NT5DC3: variants seen among roughly 807,000 people sequenced by gnomAD.
NT5DC3 encodes the protein 5'-nucleotidase domain-containing protein 3.
Under a neutral mutation model 67.8 loss-of-function variants are expected in NT5DC3, and 42 were observed. The observed-to-expected ratio is 0.62, with a 90% CI of 0.48 to 0.80. The LOEUF (loss-of-function observed/expected upper bound fraction) is 0.80. Among genes scored for constraint, NT5DC3 ranks in the 30% least tolerant of loss-of-function variants. The probability of loss-of-function intolerance (pLI) is 0.00; values close to 1 mark genes in which losing one functional copy is unlikely to be tolerated. For synonymous variants in NT5DC3, 237 were observed against 255.6 expected (o/e 0.93, Z 0.69); for missense variants, 570 against 696.4 (o/e 0.82, Z 2.04).
the NT5DC3 span, among the ~76,000 whole-genome samples, chr12:103,757,037 T>A: frequency 7.0e-6 from 1 of 142,322 alleles, no homozygotes; most frequent in Non-Finnish European, 1.5e-5. Context: ...ATATAAAATA[T>A]ATATATTAAA....
chr12:103,785,568 T>C (rs1241611757), intron 11 of NT5DC3, 93 bp from the exon 12 acceptor site: 9 of 1,263,514 alleles, frequency 7.1e-6, no homozygotes, highest in African/African-American at 5.9e-5. Flanking sequence ...TTCATTTAAT[T>C]ACTTTTTGAT....
the NT5DC3 span, chr12:103,761,233 A>G: frequency 1.4e-6 from 2 of 1,468,552 alleles, no homozygotes; most frequent in Non-Finnish European, 9.5e-7. Flanking sequence ...AAATTGAACA[A>G]CTTCCCTCCA....
chr12:103,823,652 T>A (rs1317474013), intron 1 of NT5DC3, among the ~76,000 whole-genome samples: 1 of 152,218 alleles, frequency 6.6e-6, no homozygotes, highest in African/African-American at 2.4e-5. Flanking sequence ...TTATTTAACA[T>A]GGCTTCAAAT....
intron 11 of NT5DC3, among the ~76,000 whole-genome samples, 160 bp downstream of exon 11, chr12:103,787,281 A>G (rs1273009860): frequency 1.3e-5 from 2 of 151,996 alleles, no homozygotes; most frequent in Non-Finnish European, 1.5e-5. Flanking sequence ...AAGACATTAA[A>G]AAAATGCAGC....
At chr12:103,762,299 C>T in the NT5DC3 span, 4 of 1,614,244 alleles carry the variant, frequency 2.5e-6, no homozygotes, top group African/African-American at 5.3e-5. Flanking sequence ...GGCTTGGGAG[C>T]AGGGATCTTC....
In NT5DC3 at chr12:103,801,422, G is replaced by A. The variant is rs377400379; in HGVS notation, c.525-2745C>T. 5.7e-5 allele frequency among the ~76,000 whole-genome samples: 7 copies of A among 123,382 alleles called. 1 individual carries two copies. The highest frequency in any genetic ancestry group is 2.0e-4 in the African/African-American group (6 of 30,350). 80.9% of individuals were successfully genotyped at this position (123,382 alleles called of 152,430 possible). A position where few individuals can be genotyped will look rare whatever the true frequency, so the allele number is the denominator to read the frequency against. On this transcript the variant is annotated intron_variant, in intron 4 of 13. Coordinates refer to ENST00000392876, the MANE Select transcript of NT5DC3 (RefSeq NM_001031701.3). ...TTTTGAGACGGAGTCTTGCTCTGTC[G>A]CCCAGGCTGGAGTGCAGTGTCACGA...
chr12:103,814,910 A>G, intron 2 of NT5DC3, 27 bp downstream of exon 2: 1 of 1,559,760 alleles, frequency 6.4e-7, no homozygotes, highest in Non-Finnish European at 8.7e-7. Context: ...GGGGAGGGAG[A>G]AGCCTGAAAT....
At chr12:103,813,488 C>A (rs532731726) in intron 2 of NT5DC3, among the ~76,000 whole-genome samples, 2 of 152,240 alleles carry the variant, frequency 1.3e-5, no homozygotes, top group Non-Finnish European at 2.9e-5. Context: ...TGGATATGGA[C>A]AAAATGAGCT....
intron 5 of NT5DC3, among the ~76,000 whole-genome samples, chr12:103,798,082 A>C (rs1228340881): frequency 6.6e-6 from 1 of 152,242 alleles, no homozygotes; most frequent in Non-Finnish European, 1.5e-5. Flanking sequence ...TACTAAGTTT[A>C]CTAGCTGACC....
chr12:103,762,417 T>TG, the NT5DC3 span: 2 of 1,614,018 alleles, frequency 1.2e-6, no homozygotes, highest in Non-Finnish European at 1.7e-6. Flanking sequence ...GAGAGAAAAA[T>TG]GGGAACATGA....
At chr12:103,753,825 G>A in the NT5DC3 span, among the ~76,000 whole-genome samples, 2 of 152,202 alleles carry the variant, frequency 1.3e-5, no homozygotes, top group Non-Finnish European at 2.9e-5. Context: ...CGAGCCTAGG[G>A]TGGATCTCCC....
intron 4 of NT5DC3, among the ~76,000 whole-genome samples, chr12:103,804,927 T>A (rs185759012): frequency 6.1e-4 from 93 of 152,244 alleles, no homozygotes; most frequent in Non-Finnish European, 9.1e-4. Flanking sequence ...GGCACATGCC[T>A]GTAATCCCAG....
At chr12:103,762,478 C>T in the NT5DC3 span, 448 of 1,602,756 alleles carry the variant, frequency 2.8e-4, 2 homozygotes, top group African/African-American at 4.5e-3. Context: ...CTGCTTCAGT[C>T]GGTGGCTGCG....
chr12:103,785,508 G>C (rs745985009), intron 11 of NT5DC3, 33 bp from the exon 12 acceptor site: 1 of 1,610,196 alleles, frequency 6.2e-7, no homozygotes, highest in African/African-American at 1.3e-5. Flanking sequence ...GTCAACGTCA[G>C]TCTCAACAGA....
chr12:103,755,461 A>G, the NT5DC3 span: 2 of 1,613,786 alleles, frequency 1.2e-6, no homozygotes, highest in Non-Finnish European at 1.7e-6. Context: ...CTGCTATCGG[A>G]TGAAAGGTAA....
At chr12:103,749,096 C>A in the NT5DC3 span, 399 of 1,613,852 alleles carry the variant, frequency 2.5e-4, 1 homozygote, top group Non-Finnish European at 2.1e-4. Context: ...AGATAGACCC[C>A]TGTGCAGACG....
At chr12:103,762,526 G>A in the NT5DC3 span, 1 of 1,466,458 alleles carries the variant, frequency 6.8e-7, no homozygotes, top group Admixed American at 1.9e-5. Flanking sequence ...TCACACAGTA[G>A]CAGGGGCGGC....
intron 12 of NT5DC3, among the ~76,000 whole-genome samples, chr12:103,781,066 G>A (rs946139396): frequency 4.6e-5 from 7 of 152,158 alleles, no homozygotes; most frequent in Admixed American, 1.3e-4. Context: ...AAATATGGGC[G>A]AAAGGCAAAA....
downstream of NT5DC3, among the ~76,000 whole-genome samples, chr12:103,772,002 T>C (rs1023490162): frequency 6.6e-6 from 1 of 151,828 alleles, no homozygotes; most frequent in African/African-American, 2.4e-5. Flanking sequence ...AAGATATCCA[T>C]GGGAGGAATG....
Sources: gnomAD v4.1 joint callset for allele counts (sites outside exome capture counted in the v4.1 genomes callset) on GRCh38, gnomAD v4.1.1 for gene constraint, MANE v1.5 for transcripts, NCBI Gene and HGNC (gene_info 2026-07-23, HGNC 2026-07-21) for gene names.